Variants in PLPPR1 observed in about 807,000 individuals in gnomAD.
The protein encoded by PLPPR1 is phospholipid phosphatase related 1.
PLPPR1 carries 10 observed loss-of-function variants against 33.1 expected under a neutral mutation model. That is an observed-to-expected ratio of 0.30 (90% confidence interval 0.19 to 0.51). PLPPR1 has a LOEUF of 0.51. PLPPR1 is among the 20% of genes least tolerant of loss of function. The probability of loss-of-function intolerance (pLI) is 0.97; values close to 1 mark genes in which losing one functional copy is unlikely to be tolerated. For synonymous variants in PLPPR1, 151 were observed against 151.0 expected, an observed-to-expected ratio of 1.00 and a Z score of 0.00; for missense variants, 304 against 408.1, an observed-to-expected ratio of 0.74 and a Z score of 2.20.
intron 1 of PLPPR1, among the ~76,000 whole-genome samples, chr9:101,047,976 C>T (rs1203100629): frequency 1.3e-5 from 2 of 152,188 alleles, no homozygotes; most frequent in Non-Finnish European, 2.9e-5. Flanking sequence ...TTAGGTGTAT[C>T]TTGCGGTTTT....
At chr9:101,141,145 A>G (rs1831446777) in intron 1 of PLPPR1, among the ~76,000 whole-genome samples, 1 of 152,204 alleles carries the variant, frequency 6.6e-6, no homozygotes, top group South Asian at 2.1e-4. Flanking sequence ...CCAACCGTGA[A>G]GAACATGGCA....
intron 1 of PLPPR1, among the ~76,000 whole-genome samples, chr9:101,107,042 A>G (rs1830979693): frequency 1.9e-5 from 1 of 53,350 alleles, no homozygotes. Context: ...TTCTAGTTAT[A>G]CATTCTTCTA....
intron 1 of PLPPR1, among the ~76,000 whole-genome samples, chr9:101,177,125 G>A (rs1206571081): frequency 6.6e-6 from 1 of 152,180 alleles, no homozygotes; most frequent in Non-Finnish European, 1.5e-5. Context: ...GGGAATTTTA[G>A]GATTTTTTTT....
chr9:101,260,972 G>C (rs1827888140), intron 2 of PLPPR1, among the ~76,000 whole-genome samples: 1 of 152,102 alleles, frequency 6.6e-6, no homozygotes, highest in Non-Finnish European at 1.5e-5. Flanking sequence ...TCACCCCAAA[G>C]TAAAAAAGCA....
At chr9:101,037,294 A>G (rs573326428) in intron 1 of PLPPR1, among the ~76,000 whole-genome samples, 1 of 152,104 alleles carries the variant, frequency 6.6e-6, no homozygotes, top group African/African-American at 2.4e-5. Context: ...TGCCTCCATT[A>G]TGTTAGAAAG....
chr9:101,200,305 A>G (rs973512671), intron 2 of PLPPR1, among the ~76,000 whole-genome samples: 8 of 152,186 alleles, frequency 5.3e-5, no homozygotes, highest in Non-Finnish European at 1.0e-4. Flanking sequence ...TCATTAATGG[A>G]CCTCATTGGC....
intron 1 of PLPPR1, among the ~76,000 whole-genome samples, chr9:101,156,552 C>CAAAAAA (rs1162056636): frequency 1.1e-4 from 8 of 71,310 alleles, no homozygotes; most frequent in African/African-American, 4.5e-4. Context: ...ACCCTGTCTC[C>CAAAAAA]AAAAAAAAAA....
intron 1 of PLPPR1, among the ~76,000 whole-genome samples, chr9:101,132,197 G>A (rs1262076521): frequency 6.6e-6 from 1 of 152,142 alleles, no homozygotes. Flanking sequence ...CTATTTCACT[G>A]TTGTTCAATG....
chr9:101,132,390 G>A (rs191173228), intron 1 of PLPPR1, among the ~76,000 whole-genome samples: 143 of 152,254 alleles, frequency 9.4e-4, no homozygotes, highest in Non-Finnish European at 1.6e-3. Flanking sequence ...ATATTACTAA[G>A]TGAAAGAAGT....
chr9:101,254,188 A>G (rs904218717), intron 2 of PLPPR1, among the ~76,000 whole-genome samples: 2 of 151,678 alleles, frequency 1.3e-5, no homozygotes, highest in Non-Finnish European at 2.9e-5. Flanking sequence ...AATATAACAT[A>G]TAATGAAATA....
intron 4 of PLPPR1, among the ~76,000 whole-genome samples, chr9:101,295,734 A>G (rs1229715869): frequency 6.6e-6 from 1 of 152,052 alleles, no homozygotes. Context: ...GGTGCTGGGA[A>G]AACTGGCTAG....
At chr9:101,304,938 C>T (rs536271944) in intron 4 of PLPPR1, among the ~76,000 whole-genome samples, 3 of 152,250 alleles carry the variant, frequency 2.0e-5, no homozygotes, top group Admixed American at 2.0e-4. Flanking sequence ...TGTGCCCCTG[C>T]CACCTCCTGT....
chr9:101,114,746 T>C (rs1169356928), intron 1 of PLPPR1, among the ~76,000 whole-genome samples: 1 of 152,202 alleles, frequency 6.6e-6, no homozygotes, highest in Non-Finnish European at 1.5e-5. Flanking sequence ...TATCTGCCTC[T>C]CTAAGTGCAA....
chr9:101,100,989 T>C lies in PLPPR1; in HGVS notation c.-46+71887T>C, dbSNP rs377082670. ...TTGAGCCAGTGTGCAGTATTGTGTATACTAAAAGGTATGTGTAAGTAAATT... is the reference window on the plus strand; with the variant it reads ...TTGAGCCAGTGTGCAGTATTGTGTACACTAAAAGGTATGTGTAAGTAAATT... On this transcript the variant is annotated intron_variant, in intron 1 of 7. Coordinates refer to ENST00000374874, the MANE Select transcript of PLPPR1 (RefSeq NM_207299.2). Among the ~76,000 whole-genome samples, 6 of 152,262 alleles carry C rather than the reference T, an allele frequency of 3.9e-5. No homozygotes were observed. The South Asian group carries it at 1.0e-3, about 26-fold the overall frequency.
chr9:101,167,782 A>G (rs1825882407), intron 1 of PLPPR1, among the ~76,000 whole-genome samples: 1 of 152,142 alleles, frequency 6.6e-6, no homozygotes, highest in Non-Finnish European at 1.5e-5. Context: ...CAAAAATACA[A>G]AATCTAGATT....
At chr9:101,092,124 G>A (rs1038296309) in intron 1 of PLPPR1, among the ~76,000 whole-genome samples, 2 of 151,968 alleles carry the variant, frequency 1.3e-5, no homozygotes, top group African/African-American at 2.4e-5. Flanking sequence ...CTCTGGGCCC[G>A]TACACCTGTT....
Position 101,276,801 on chromosome 9 carries a change from G to A in PLPPR1, c.252+6733G>A, listed in dbSNP as rs1202781356. 2.6e-5 allele frequency among the ~76,000 whole-genome samples: 4 copies of A among 152,334 alleles called. 1 individual carries two copies. Among genetic ancestry groups the A allele is most frequent in the South Asian group, 4.1e-4 (2 of 4,822 alleles). On this transcript the variant is annotated intron_variant, in intron 3 of 7. Coordinates refer to ENST00000374874, the MANE Select transcript of PLPPR1 (RefSeq NM_207299.2). Reference sequence around the variant, plus strand: ...TGTGGCCTCTGGAGTAAGACCAGTAGAGAGGCTCCAGTTTACAAAAACACT... The same window carrying A: ...TGTGGCCTCTGGAGTAAGACCAGTAAAGAGGCTCCAGTTTACAAAAACACT...
intron 2 of PLPPR1, among the ~76,000 whole-genome samples, chr9:101,263,790 C>T (rs1017442653): frequency 6.6e-6 from 1 of 152,172 alleles, no homozygotes; most frequent in Non-Finnish European, 1.5e-5. Flanking sequence ...ATGTACTTAC[C>T]ACCCACCATG....
At chr9:101,069,042 T>C (rs1245034588) in intron 1 of PLPPR1, among the ~76,000 whole-genome samples, 4 of 152,046 alleles carry the variant, frequency 2.6e-5, no homozygotes, top group African/African-American at 9.7e-5. Context: ...CCTGGTGGCA[T>C]TTAAGATGAT....
Sources: gnomAD v4.1 joint callset for allele counts (sites outside exome capture counted in the v4.1 genomes callset) on GRCh38, gnomAD v4.1.1 for gene constraint, MANE v1.5 for transcripts, NCBI Gene and HGNC (gene_info 2026-07-23, HGNC 2026-07-21) for gene names.